C4orf50: variants seen among roughly 807,000 people sequenced by gnomAD.
C4orf50 encodes uncharacterized protein C4orf50.
A neutral mutation model predicts 77.2 loss-of-function variants in C4orf50; 80 were observed. That is an observed-to-expected ratio of 1.04 (90% CI 0.87 to 1.25). The LOEUF is 1.25. Ranked by LOEUF, C4orf50 falls within the 50% of genes most tolerant of loss-of-function variation. The probability of loss-of-function intolerance (pLI) is 0.00; values close to 1 mark genes in which losing one functional copy is unlikely to be tolerated. For synonymous variants in C4orf50, 532 were observed against 465.3 expected (o/e 1.14, Z -1.84); for missense variants, 1,257 against 1,152.9 (o/e 1.09, Z -1.31).
At chr4:5,935,742 C>T (rs1717979323) in intron 7 of C4orf50, among the ~76,000 whole-genome samples, 1 of 138,694 alleles carries the variant, frequency 7.2e-6, no homozygotes, top group Non-Finnish European at 1.5e-5. Flanking sequence ...GCCGAGATTG[C>T]GCCATTGCAC....
intron 32 of C4orf50, among the ~76,000 whole-genome samples, chr4:5,965,797 G>A (rs1272678980): frequency 3.9e-5 from 6 of 152,214 alleles, no homozygotes; most frequent in Non-Finnish European, 8.8e-5. Flanking sequence ...CCAGGGTCCA[G>A]ACACTCCAGA....
At chr4:5,915,724 G>T (rs1717001448) in intron 7 of C4orf50, among the ~76,000 whole-genome samples, 1 of 152,206 alleles carries the variant, frequency 6.6e-6, no homozygotes, top group African/African-American at 2.4e-5. Flanking sequence ...TCCCTGATGA[G>T]TGGGTAATAA....
chr4:5,981,424 G>A (rs1020939599), intron 28 of C4orf50, among the ~76,000 whole-genome samples: 1 of 126,682 alleles, frequency 7.9e-6, no homozygotes, highest in Non-Finnish European at 1.6e-5. Context: ...TTTTTTTTGA[G>A]ATGGAGTTTC....
At position 6,018,145 on chromosome 4, in the gene C4orf50, C is replaced by T. The variant is rs1722750371; in HGVS notation, c.287G>A (p.Arg96Lys). 5.0e-6 allele frequency: 2 copies of T among 398,742 alleles called. No homozygotes were observed. The highest frequency in any genetic ancestry group is 4.1e-5 in the African/African-American group (2 of 48,642). The allele number at this position is 398,742 out of a possible 1,614,324, so 24.7% of individuals were successfully genotyped here. Residue 96 changes from arginine (R) to lysine (K), a missense_variant and splice_region_variant, in exon 23 of 34, where the codon AGA becomes AAA. Coordinates refer to ENST00000531445, the Ensembl canonical transcript of C4orf50. This position sits in a 1 kb window ranked among gnomAD's most constrained non-coding sequence, Gnocchi z 5.1. ...AGAGAGATCAAAATGGCATCGCTAC[C>T]TGCTTCTCAGCCCGGACTCCGATGT...
chr4:5,980,198 G>A lies in C4orf50; in HGVS notation c.3840C>T (p.Arg1280=), dbSNP rs369001098. The A allele has an allele frequency of 6.9e-6, 11 of 1,602,112 alleles. No individual in the cohort carries two copies. The African/African-American group carries it at 1.2e-4, about 18-fold the overall frequency. Residue 1280 remains arginine, a synonymous_variant, in exon 29 of 34, where the codon CGC becomes CGT. Coordinates refer to ENST00000531445, the Ensembl canonical transcript of C4orf50. ...CCTTGGCCTGGAGCTCCTCCTGGAG[G>A]CGGGTGGCCTCGTCCAGAGACGCCT...
At chr4:5,995,084 G>C (rs1460470019) in intron 25 of C4orf50, among the ~76,000 whole-genome samples, 2 of 152,036 alleles carry the variant, frequency 1.3e-5, no homozygotes, top group East Asian at 1.9e-4. Context: ...ACCAGTCCCT[G>C]GTGCCAAAAA....
At chr4:5,964,888 T>A in intron 33 of C4orf50, 136 bp downstream of exon 11, 1 of 656,916 alleles carries the variant, frequency 1.5e-6, no homozygotes, top group Non-Finnish European at 2.5e-6. Flanking sequence ...TGTTCGGGAG[T>A]CGATTGTGTT....
At position 5,905,979 on chromosome 4, in the gene C4orf50, T is replaced by C. The variant is rs1186577010; in HGVS notation, c.*2475-7791A>G. On this transcript the variant is annotated intron_variant, in intron 7 of 7. Transcript: ENST00000324058. This position sits in a 1 kb window ranked among gnomAD's most constrained non-coding sequence, Gnocchi z 5.4. ...CCTCCTCACGTTACAGAGGGTGACA[T>C]AGGAATCATCAAACAAATGCAAGTC... 6.6e-6 allele frequency among the ~76,000 whole-genome samples: 1 copy of C among 151,546 alleles called. No individual in the cohort carries two copies. Among genetic ancestry groups the C allele is most frequent in the Non-Finnish European group, 1.5e-5 (1 of 67,946 alleles).
intron 32 of C4orf50, among the ~76,000 whole-genome samples, chr4:5,965,934 T>A (rs539101340): frequency 2.6e-5 from 4 of 152,312 alleles, no homozygotes; most frequent in African/African-American, 9.6e-5. Context: ...CAGATCTCAA[T>A]AGCAGCTTGG....
intron 30 of C4orf50, among the ~76,000 whole-genome samples, 159 bp from the exon 9 acceptor site, chr4:5,974,000 C>T (rs1466843316): frequency 6.6e-6 from 1 of 152,222 alleles, no homozygotes; most frequent in African/African-American, 2.4e-5. Context: ...CCTCCCTGCC[C>T]CCAGAAGCCA....
chr4:6,011,362 C>T lies in C4orf50; in HGVS notation c.426+468G>A, dbSNP rs753328309. Among the ~76,000 whole-genome samples, 19 of 152,136 alleles carry T rather than the reference C, an allele frequency of 1.2e-4. No individual in the cohort carries two copies. Among genetic ancestry groups the T allele is most frequent in the Non-Finnish European group, 2.4e-4 (16 of 68,010 alleles). ...CGGCCCCGTGCTGTCAGCCACGCCT[C>T]ACATGCCCTTCCCAACAAGGCCCAG... On this transcript the variant is annotated intron_variant, in intron 24 of 33. Coordinates refer to ENST00000531445, the Ensembl canonical transcript of C4orf50. The surrounding 1 kb of genome is among the most constrained non-coding windows in gnomAD (Gnocchi z 4.2).
rs1577886404 is a variant in C4orf50, at chr4:5,919,388, C to T, written c.*2475-21200G>A. Among the ~76,000 whole-genome samples, 1 of 151,444 alleles carries T rather than the reference C, an allele frequency of 6.6e-6. No homozygotes were observed. The highest frequency in any genetic ancestry group is 2.1e-4 in the South Asian group (1 of 4,758). On this transcript the variant is annotated intron_variant, in intron 7 of 7. Coordinates refer to the C4orf50 transcript ENST00000324058. This position sits in a 1 kb window ranked among gnomAD's most constrained non-coding sequence, Gnocchi z 6.5. Reference sequence around the variant, plus strand: ...GACACATTAGATCTTCTTTCACTCACTCCCTGTAGGCAGTGGACTGAGGCA... The same window carrying T: ...GACACATTAGATCTTCTTTCACTCATTCCCTGTAGGCAGTGGACTGAGGCA...
At chr4:5,925,072 G>T (rs1717454511) in intron 7 of C4orf50, among the ~76,000 whole-genome samples, 1 of 152,114 alleles carries the variant, frequency 6.6e-6, no homozygotes, top group African/African-American at 2.4e-5. Context: ...AGAGGACCAG[G>T]AAGCTGCTTT....
intron 7 of C4orf50, among the ~76,000 whole-genome samples, chr4:5,911,806 G>A (rs1309197706): frequency 6.6e-6 from 1 of 152,206 alleles, no homozygotes; most frequent in East Asian, 1.9e-4. Context: ...CCAATACTTT[G>A]AGAGGCCCAG....
chr4:5,929,140 C>T (rs1338088806), intron 7 of C4orf50, among the ~76,000 whole-genome samples: 1 of 152,182 alleles, frequency 6.6e-6, no homozygotes, highest in Non-Finnish European at 1.5e-5. Context: ...GGCAGTTGGA[C>T]ATTCAGATTG....
intron 33 of C4orf50, among the ~76,000 whole-genome samples, chr4:5,960,188 G>A (rs1042370514): frequency 6.6e-6 from 1 of 152,162 alleles, no homozygotes; most frequent in Non-Finnish European, 1.5e-5. Context: ...AAGTGGCTTC[G>A]ACTTCAAAGC....
At chr4:5,912,777 G>A (rs1160825650) in intron 7 of C4orf50, among the ~76,000 whole-genome samples, 3 of 152,224 alleles carry the variant, frequency 2.0e-5, no homozygotes, top group African/African-American at 7.2e-5. Context: ...TGAGGCAGGG[G>A]AGGCAAGCCT....
rs923746989 is a variant in C4orf50 at position 5,916,039 on chromosome 4, G to A, written c.*2475-17851C>T. On this transcript the variant is annotated intron_variant, in intron 7 of 7. Transcript: ENST00000324058. This position sits in a 1 kb window ranked among gnomAD's most constrained non-coding sequence, Gnocchi z 4.4. ...TGCCTGGGCAAAAATGGCACAGGAA[G>A]GCAAGGCTAGTCCTGTAACAAGGGA... Among the ~76,000 whole-genome samples, 1 of 152,222 alleles carries A rather than the reference G, an allele frequency of 6.6e-6. No individual in the cohort carries two copies. Among genetic ancestry groups the A allele is most frequent in the East Asian group, 1.9e-4 (1 of 5,200 alleles).
intron 32 of C4orf50, among the ~76,000 whole-genome samples, chr4:5,967,100 T>C (rs1221333130): frequency 6.6e-6 from 1 of 152,240 alleles, no homozygotes; most frequent in Non-Finnish European, 1.5e-5. Flanking sequence ...TTGGCTATTA[T>C]AGATGCACTG....
Sources: gnomAD v4.1 joint callset for allele counts (sites outside exome capture counted in the v4.1 genomes callset) on GRCh38, gnomAD v4.1.1 for gene constraint, Gnocchi (gnomAD v3.1) non-coding constraint, MANE v1.5 for transcripts, NCBI Gene and HGNC (gene_info 2026-07-23, HGNC 2026-07-21) for gene names.